The following SFT2D2 variants were observed in gnomAD, a reference collection of about 807,000 sequenced individuals.
SFT2D2 encodes the protein vesicle transport protein SFT2B.
Under a neutral mutation model 27.4 loss-of-function variants are expected in SFT2D2, and 21 were observed. The ratio of observed to expected loss-of-function variants is 0.77; its 90% CI spans 0.54 to 1.10. The LOEUF is 1.10. Ranked by LOEUF, SFT2D2 falls within the 50% of genes least tolerant of loss-of-function variation. The pLI is 0.00. For missense variants in SFT2D2, 187 were observed against 194.2 expected, an observed-to-expected ratio of 0.96 and a Z score of 0.22; for synonymous variants, 72 against 71.7, an observed-to-expected ratio of 1.00 and a Z score of -0.02.
Position 168,234,255 on chromosome 1 carries a change from G to A in SFT2D2, c.237-846G>A, listed in dbSNP as rs908831868. 1.3e-5 allele frequency among the ~76,000 whole-genome samples: 2 copies of A among 152,268 alleles called. 1 individual carries two copies. The highest frequency in any genetic ancestry group is 3.9e-4 in the East Asian group (2 of 5,176). On this transcript the variant is annotated intron_variant, in intron 3 of 7. Transcript: ENST00000271375. ...CTAAAAATACAAAAATTAGCTGGGT[G>A]TGGTGGCGTGTGCCTGTAGTCCCAG...
chr1:168,246,770 C>G lies in SFT2D2; in HGVS notation c.*4230C>G. 1.4e-6 allele frequency: 1 copy of G among 736,716 alleles called. No individual in the cohort carries two copies. Among genetic ancestry groups the G allele is most frequent in the South Asian group, 1.4e-5 (1 of 72,382 alleles). The allele number at this position is 736,716 out of a possible 1,614,324, so 45.6% of individuals were successfully genotyped here. A position where few individuals can be genotyped will look rare whatever the true frequency, so the allele number is the denominator to read the frequency against. On this transcript the variant is annotated 3_prime_UTR_variant, in exon 8 of 8. Transcript: ENST00000271375. ...CCAGTTTAGAACGGAGCATTGTGTT[C>G]TCATCTGTCAGAGCAGTAAGCTGTC...
At chr1:168,236,394 A>G (rs1040634130) in intron 4 of SFT2D2, among the ~76,000 whole-genome samples, 195 bp from the exon 5 acceptor site, 1 of 152,198 alleles carries the variant, frequency 6.6e-6, no homozygotes, top group Non-Finnish European at 1.5e-5. Flanking sequence ...CATCTTATCT[A>G]TGTGAATCTT....
At chr1:168,234,280 G>A (rs1392660772) in intron 3 of SFT2D2, among the ~76,000 whole-genome samples, 1 of 152,018 alleles carries the variant, frequency 6.6e-6, no homozygotes, top group Non-Finnish European at 1.5e-5. Flanking sequence ...TGTAGTCCCA[G>A]CTACTTGGGA....
At chr1:168,239,460 T>G (rs1229375957) in intron 7 of SFT2D2, among the ~76,000 whole-genome samples, 1 of 128,952 alleles carries the variant, frequency 7.8e-6, no homozygotes, top group Non-Finnish European at 1.7e-5. Flanking sequence ...GAGTAGGGTT[T>G]TTTTTTTTTT....
chr1:168,244,846 C>CCAT lies in SFT2D2; in HGVS notation c.*2307_*2309dup. On this transcript the variant is annotated 3_prime_UTR_variant, in exon 8 of 8. Coordinates refer to ENST00000271375, the MANE Select transcript of SFT2D2 (RefSeq NM_199344.3). ...ACCTAGAAGGCTCATCCCTCCATGT[C>CCAT]CATGTCCTTTTTTTTTTTTTAGATT... 1 of 151,008 alleles carries CCAT rather than the reference C, an allele frequency of 6.6e-6. No individual in the cohort carries two copies. Among genetic ancestry groups the CCAT allele is most frequent in the Non-Finnish European group, 1.5e-5 (1 of 67,842 alleles). 9.4% of individuals were successfully genotyped at this position (151,008 alleles called of 1,614,324 possible). A position where few individuals can be genotyped will look rare whatever the true frequency, so the allele number is the denominator to read the frequency against.
At chr1:168,234,616 A>G (rs1456581663) in intron 3 of SFT2D2, among the ~76,000 whole-genome samples, 1 of 152,218 alleles carries the variant, frequency 6.6e-6, no homozygotes, top group Non-Finnish European at 1.5e-5. Context: ...TGATATCATC[A>G]TCATTAGAAT....
intron 3 of SFT2D2, 41 bp downstream of exon 3, chr1:168,231,960 A>T (rs199962792): frequency 1.3e-6 from 2 of 1,553,758 alleles, no homozygotes; most frequent in South Asian, 1.1e-5. Context: ...CAATCATTAG[A>T]TGGGAAAATG....
chr1:168,227,396 A>G (rs1455210740), intron 1 of SFT2D2, among the ~76,000 whole-genome samples: 1 of 152,036 alleles, frequency 6.6e-6, no homozygotes, highest in Non-Finnish European at 1.5e-5. Context: ...GCTTTCACCC[A>G]CGTTTGTGGT....
intron 6 of SFT2D2, among the ~76,000 whole-genome samples, chr1:168,238,895 C>T (rs1393636486): frequency 6.6e-6 from 1 of 152,188 alleles, no homozygotes; most frequent in Non-Finnish European, 1.5e-5. Context: ...TCCACATGAA[C>T]CTTTTGCCCT....
At position 168,252,455 on chromosome 1, in the gene SFT2D2, T is replaced by G. The variant is rs1233341047; in HGVS notation, c.*9915T>G. On this transcript the variant is annotated 3_prime_UTR_variant, in exon 8 of 8. Transcript: ENST00000271375. ...ATGCTACAAGAAGTTATGAGCCTTG[T>G]TCTAAGTACAGATGAACCTTGTATT... The G allele has an allele frequency of 1.3e-5, 2 of 152,240 alleles. No homozygotes were observed. Among genetic ancestry groups the G allele is most frequent in the African/African-American group, 2.4e-5 (1 of 41,462 alleles). 9.4% of individuals were successfully genotyped at this position (152,240 alleles called of 1,614,324 possible). A position where few individuals can be genotyped will look rare whatever the true frequency, so the allele number is the denominator to read the frequency against.
chr1:168,241,185 C>T (rs899957463), intron 7 of SFT2D2, among the ~76,000 whole-genome samples: 4 of 149,408 alleles, frequency 2.7e-5, no homozygotes, highest in African/African-American at 9.9e-5. Context: ...AATCACAGAG[C>T]TAGATCCCAC....
At position 168,226,084 on chromosome 1, in the gene SFT2D2, A is replaced by T; in HGVS notation, c.5A>T (p.Asp2Val). 6.5e-7 allele frequency: 1 copy of T among 1,532,858 alleles called. No individual in the cohort carries two copies. The highest frequency in any genetic ancestry group is 8.8e-7 in the Non-Finnish European group (1 of 1,138,910). The allele number at this position is 1,532,858 out of a possible 1,614,324, so 95.0% of individuals were successfully genotyped here. Residue 2 changes from aspartate (D) to valine (V), a missense_variant, in exon 1 of 8, where the codon GAC (aspartate) becomes GTC (valine). By Grantham distance (152) the Asp-to-Val change is radical. Coordinates refer to ENST00000271375, the MANE Select transcript of SFT2D2 (RefSeq NM_199344.3). The part of the protein sequence containing the change: M[D>V]KLKKVLSGQD... ...GCTGGTGGGGACTGGGCCGCAATGG[A>T]CAAGCTGAAGAAGGTGCTGAGCGGG...
Position 168,246,103 on chromosome 1 carries a change from CACA to C in SFT2D2, c.*3566_*3568del, listed in dbSNP as rs1359170211. On this transcript the variant is annotated 3_prime_UTR_variant, in exon 8 of 8. Transcript: ENST00000271375. ...CACCCTGTTTTTGTTGAAGTTGTCT[CACA>C]ACTACTTCTCTTTCTGCTTTCTCTC... 6.8e-5 allele frequency: 16 copies of C among 234,814 alleles called. No homozygotes were observed. In the South Asian group the frequency reaches 7.4e-4, roughly 11 times the overall value. The allele number at this position is 234,814 out of a possible 1,614,324, so 14.5% of individuals were successfully genotyped here. A position where few individuals can be genotyped will look rare whatever the true frequency, so the allele number is the denominator to read the frequency against.
At chr1:168,235,321 G>A in intron 4 of SFT2D2, 139 bp downstream of exon 4, 2 of 816,430 alleles carry the variant, frequency 2.4e-6, no homozygotes, top group Non-Finnish European at 4.1e-6. Flanking sequence ...ATAACCATGT[G>A]GCAGAAGGGA....
chr1:168,235,153 ACTC>A lies in SFT2D2; in HGVS notation c.290_292del (p.Thr97_Arg98delinsSer), dbSNP rs778035106. Reference sequence around the variant, plus strand: ...ACAGCTGAAGCGAATGTTTGAGCCTACTCGTTTGATTGCAACTATCATGGTGCT... The same window carrying A: ...ACAGCTGAAGCGAATGTTTGAGCCTAGTTTGATTGCAACTATCATGGTGCT... On this transcript the variant is annotated inframe_deletion, in exon 4 of 8. Transcript: ENST00000271375. 2 of 1,613,996 alleles carry A rather than the reference ACTC, an allele frequency of 1.2e-6. No individual in the cohort carries two copies. The highest frequency in any genetic ancestry group is 2.2e-5 in the South Asian group (2 of 91,080).
rs1293882324 is a variant in SFT2D2, at chr1:168,249,225, A to C, written c.*6685A>C. 6 of 152,036 alleles carry C rather than the reference A, an allele frequency of 3.9e-5. No individual in the cohort carries two copies. The highest frequency in any genetic ancestry group is 8.8e-5 in the Non-Finnish European group (6 of 68,018). The allele number at this position is 152,036 out of a possible 1,614,324, so 9.4% of individuals were successfully genotyped here. On this transcript the variant is annotated 3_prime_UTR_variant, in exon 8 of 8. Coordinates refer to ENST00000271375, the MANE Select transcript of SFT2D2 (RefSeq NM_199344.3). ...TCTCTTGTGGGCATTTAGTGCTATA[A>C]ATTTCCCTCTACACACTGCTTTAAT...
rs2102334209 is a variant in SFT2D2, at chr1:168,242,656, A to G, written c.*116A>G. On this transcript the variant is annotated 3_prime_UTR_variant, in exon 8 of 8. Coordinates refer to ENST00000271375, the MANE Select transcript of SFT2D2 (RefSeq NM_199344.3). ...GACATGTGCCTTTTATCTTGCAGCA[A>G]TGTGTTGCTTGTGATTCGAACATTT... 5.6e-6 allele frequency: 7 copies of G among 1,261,212 alleles called. No individual in the cohort carries two copies. Among genetic ancestry groups the G allele is most frequent in the South Asian group, 1.2e-5 (1 of 83,262 alleles). 78.1% of individuals were successfully genotyped at this position (1,261,212 alleles called of 1,614,324 possible).
At chr1:168,235,235 G>T (rs758371213) in intron 4 of SFT2D2, 53 bp downstream of exon 4, 21 of 1,527,818 alleles carry the variant, frequency 1.4e-5, no homozygotes, top group Non-Finnish European at 1.8e-5. Context: ...TATTTCTATT[G>T]TATAGGATGT....
intron 1 of SFT2D2, among the ~76,000 whole-genome samples, chr1:168,230,805 C>G (rs1647247603): frequency 6.6e-6 from 1 of 152,186 alleles, no homozygotes; most frequent in African/African-American, 2.4e-5. Context: ...AAAAGAACCA[C>G]TGGGAGCTAC....
Sources: gnomAD v4.1 joint callset for allele counts (sites outside exome capture counted in the v4.1 genomes callset) on GRCh38, gnomAD v4.1.1 for gene constraint, MANE v1.5 for transcripts, NCBI Gene and HGNC (gene_info 2026-07-23, HGNC 2026-07-21) for gene names.